SNX2: variants seen among roughly 807,000 people sequenced by gnomAD.
SNX2 encodes sorting nexin-2.
Under a neutral mutation model 69.9 loss-of-function variants are expected in SNX2, and 25 were observed. That is an observed-to-expected ratio of 0.36 (90% CI 0.26 to 0.50). The LOEUF (loss-of-function observed/expected upper bound fraction) is 0.50, where lower values mean the gene tolerates loss of function less well. SNX2 is among the 20% of genes least tolerant of loss of function. The pLI is 0.97. For missense variants in SNX2, 551 were observed against 613.3 expected (o/e 0.90, Z 1.07); for synonymous variants, 229 against 200.4 (o/e 1.14, Z -1.20).
Position 122,827,664 on chromosome 5 carries a change from A to G in SNX2, c.1509+18A>G. On this transcript the variant is annotated intron_variant, in intron 14 of 14. Coordinates refer to ENST00000379516, the MANE Select transcript of SNX2 (RefSeq NM_003100.4). ...AACAACAGGTAAGCCATTTTTGTTT[A>G]TAACTTAAACTTCTAGAATTTGTTT... is the stretch of plus-strand genomic sequence containing the variant. The G allele has an allele frequency of 6.4e-7, 1 of 1,572,572 alleles. No homozygotes were observed. Among genetic ancestry groups the G allele is most frequent in the Non-Finnish European group, 8.7e-7 (1 of 1,146,192 alleles).
chr5:122,780,306 G>C (rs960077620), intron 1 of SNX2, among the ~76,000 whole-genome samples: 1 of 152,154 alleles, frequency 6.6e-6, no homozygotes, highest in Non-Finnish European at 1.5e-5. Context: ...GCCATACCAG[G>C]TGATATATGT....
At chr5:122,788,201 T>G (rs1214541860) in intron 1 of SNX2, among the ~76,000 whole-genome samples, 1 of 152,256 alleles carries the variant, frequency 6.6e-6, no homozygotes, top group Admixed American at 6.5e-5. Flanking sequence ...CAGAGTGTTA[T>G]TCCACTGTTT....
At chr5:122,826,559 A>G (rs555338585) in intron 12 of SNX2, 1 of 465,384 alleles carries the variant, frequency 2.1e-6, no homozygotes, top group South Asian at 9.1e-5. Context: ...CCCCATATAT[A>G]TGTATTATAT....
At chr5:122,775,484 C>T in intron 1 of SNX2, 1 of 1,129,648 alleles carries the variant, frequency 8.9e-7, no homozygotes, top group South Asian at 4.0e-5. Flanking sequence ...GCTTTCCCAG[C>T]TCAGCTGGCC....
At chr5:122,797,767 A>G (rs140320444) in intron 2 of SNX2, among the ~76,000 whole-genome samples, 19 of 152,332 alleles carry the variant, frequency 1.2e-4, no homozygotes, top group Non-Finnish European at 2.1e-4. Context: ...GTTAGCACCT[A>G]TGAAGCATCT....
At chr5:122,806,142 G>GCGCACGCACACA in intron 6 of SNX2, among the ~76,000 whole-genome samples, 1 of 130,654 alleles carries the variant, frequency 7.7e-6, no homozygotes, top group Non-Finnish European at 1.6e-5. Flanking sequence ...ACACGCGCGC[G>GCGCACGCACACA]CACACACACA....
chr5:122,823,808 G>GTA (rs1554064308), intron 11 of SNX2, among the ~76,000 whole-genome samples: 13 of 148,506 alleles, frequency 8.8e-5, no homozygotes, highest in African/African-American at 3.0e-4. Flanking sequence ...GTGTGTGTGT[G>GTA]TGTATGTGTA....
intron 7 of SNX2, among the ~76,000 whole-genome samples, chr5:122,813,023 A>G (rs1190319162): frequency 1.3e-5 from 2 of 152,204 alleles, no homozygotes; most frequent in Non-Finnish European, 2.9e-5. Context: ...TTGAAGAACA[A>G]TTACTGAGCA....
At chr5:122,813,045 A>T (rs1041799598) in intron 7 of SNX2, among the ~76,000 whole-genome samples, 1 of 152,098 alleles carries the variant, frequency 6.6e-6, no homozygotes, top group Admixed American at 6.5e-5. Context: ...CTCTTATTGG[A>T]TGTGATATTG....
Position 122,832,623 on chromosome 5 carries a change from T to C in SNX2, c.*2975T>C, listed in dbSNP as rs1754320072. The C allele has an allele frequency of 1.3e-5, 2 of 152,016 alleles. No individual in the cohort carries two copies. Among genetic ancestry groups the C allele is most frequent in the Admixed American group, 6.5e-5 (1 of 15,268 alleles). 9.4% of individuals were successfully genotyped at this position (152,016 alleles called of 1,614,324 possible). The stretch of plus-strand genomic sequence containing the variant: ...AAAGTAATTGCGTCCTTTGTCGTTA[T>C]ATAAATTGTTTTATAAATGGCTTTA... On this transcript the variant is annotated 3_prime_UTR_variant, in exon 15 of 15. Coordinates refer to ENST00000379516, the MANE Select transcript of SNX2 (RefSeq NM_003100.4).
At chr5:122,813,862 C>A (rs1036056791) in intron 7 of SNX2, among the ~76,000 whole-genome samples, 2 of 149,170 alleles carry the variant, frequency 1.3e-5, no homozygotes, top group East Asian at 4.0e-4. Flanking sequence ...CAACCTCCGT[C>A]TCCTGGGTTC....
intron 11 of SNX2, among the ~76,000 whole-genome samples, chr5:122,821,148 C>G (rs1754013066): frequency 6.6e-6 from 1 of 152,092 alleles, no homozygotes; most frequent in Admixed American, 6.6e-5. Flanking sequence ...AACTAATTCA[C>G]TTGTATTTGA....
intron 1 of SNX2, among the ~76,000 whole-genome samples, chr5:122,791,813 T>C (rs925127439): frequency 6.6e-6 from 1 of 152,280 alleles, no homozygotes; most frequent in Non-Finnish European, 1.5e-5. Flanking sequence ...AGTTAAATGA[T>C]AGTCATTGAG....
intron 11 of SNX2, among the ~76,000 whole-genome samples, chr5:122,819,396 C>T (rs1753966589): frequency 6.6e-6 from 1 of 152,034 alleles, no homozygotes; most frequent in Non-Finnish European, 1.5e-5. Context: ...TAGGATAAAA[C>T]CAGAAACGAT....
At chr5:122,775,297 C>G (rs1376368791) in intron 1 of SNX2, 86 bp downstream of exon 1, 4 of 1,459,718 alleles carry the variant, frequency 2.7e-6, no homozygotes, top group Admixed American at 2.3e-5. Flanking sequence ...CTCCCCATCC[C>G]CCGTGTTTGC....
intron 1 of SNX2, among the ~76,000 whole-genome samples, chr5:122,793,910 T>A (rs867958029): frequency 7.7e-6 from 1 of 129,414 alleles, no homozygotes. Context: ...CAAAATTCTG[T>A]CCCCCCAAAA....
chr5:122,817,566 G>T (rs1753926121), intron 10 of SNX2, among the ~76,000 whole-genome samples, 193 bp downstream of exon 10: 1 of 151,884 alleles, frequency 6.6e-6, no homozygotes, highest in African/African-American at 2.4e-5. Context: ...TAGTTTAGAA[G>T]TAGAAAAATA....
At chr5:122,827,321 T>C (rs904591502) in intron 12 of SNX2, 58 bp from the exon 13 acceptor site, 257 of 1,406,064 alleles carry the variant, frequency 1.8e-4, no homozygotes, top group Non-Finnish European at 2.4e-4. Flanking sequence ...GTGAGTGGTC[T>C]TGACAGTACT....
chr5:122,795,409 AT>A (rs776677670), intron 2 of SNX2, 26 bp downstream of exon 2: 21 of 1,359,164 alleles, frequency 1.5e-5, no homozygotes, highest in Non-Finnish European at 2.2e-5. Context: ...TTATTTTTTA[AT>A]AATGGTCAAT....
Sources: gnomAD v4.1 joint callset for allele counts (sites outside exome capture counted in the v4.1 genomes callset) on GRCh38, gnomAD v4.1.1 for gene constraint, MANE v1.5 for transcripts, NCBI Gene and HGNC (gene_info 2026-07-23, HGNC 2026-07-21) for gene names.